Variants in RNGTT observed in about 807,000 individuals in gnomAD.
RNGTT encodes mRNA-capping enzyme.
Under a neutral mutation model 79.3 loss-of-function variants are expected in RNGTT, and 33 were observed. The observed-to-expected ratio is 0.42, with a 90% CI of 0.32 to 0.56. The LOEUF (loss-of-function observed/expected upper bound fraction) is 0.56. RNGTT is among the 20% of genes least tolerant of loss of function. RNGTT has a pLI of 0.17. For missense variants in RNGTT, 497 were observed against 739.1 expected (o/e 0.67, Z 3.80); for synonymous variants, 222 against 235.9 (o/e 0.94, Z 0.54).
At chr6:88,920,004 C>A (rs1207394517) in intron 4 of RNGTT, among the ~76,000 whole-genome samples, 1 of 152,150 alleles carries the variant, frequency 6.6e-6, no homozygotes, top group African/African-American at 2.4e-5. Flanking sequence ...TAGTTCTCAA[C>A]TGGGGAAGAT....
Position 88,950,082 on chromosome 6 carries a change from C to A in RNGTT, c.65-8902G>T, listed in dbSNP as rs938651698. Among the ~76,000 whole-genome samples, 3 of 152,216 alleles carry A rather than the reference C, an allele frequency of 2.0e-5. No individual in the cohort carries two copies. The East Asian group carries it at 5.8e-4, about 29-fold the overall frequency. ...AGGGCCCTTAAGAATTATGCTAAAT[C>A]TACTCTGTCTGTGCTCTATCAACGA... On this transcript the variant is annotated intron_variant, in intron 1 of 15. Coordinates refer to ENST00000369485, the MANE Select transcript of RNGTT (RefSeq NM_003800.5).
At chr6:88,938,201 C>G (rs1582153564) in intron 2 of RNGTT, among the ~76,000 whole-genome samples, 1 of 152,132 alleles carries the variant, frequency 6.6e-6, no homozygotes, top group Non-Finnish European at 1.5e-5. Context: ...CTTTATATAT[C>G]TGGGTACTCT....
intron 11 of RNGTT, among the ~76,000 whole-genome samples, chr6:88,807,185 T>C (rs1335106938): frequency 2.0e-5 from 3 of 152,144 alleles, no homozygotes; most frequent in African/African-American, 4.8e-5. Flanking sequence ...GAAACCACCA[T>C]AGCATGTGTT....
intron 14 of RNGTT, among the ~76,000 whole-genome samples, chr6:88,629,259 C>T (rs891866304): frequency 2.0e-5 from 3 of 152,186 alleles, no homozygotes; most frequent in African/African-American, 7.2e-5. Flanking sequence ...GCATTATTTA[C>T]ATTTTTAGCA....
intron 14 of RNGTT, among the ~76,000 whole-genome samples, chr6:88,654,180 T>C (rs1773895387): frequency 6.6e-6 from 1 of 152,162 alleles, no homozygotes; most frequent in Non-Finnish European, 1.5e-5. Flanking sequence ...GAGAATTTAG[T>C]ATCCATAAGG....
intron 11 of RNGTT, among the ~76,000 whole-genome samples, chr6:88,814,134 G>T (rs1290347079): frequency 2.0e-5 from 3 of 152,056 alleles, no homozygotes; most frequent in Admixed American, 6.5e-5. Flanking sequence ...TTTAAAAGTT[G>T]ATTAGACTTG....
intron 4 of RNGTT, among the ~76,000 whole-genome samples, chr6:88,915,941 A>G (rs1445795315): frequency 6.6e-6 from 1 of 152,190 alleles, no homozygotes; most frequent in Admixed American, 6.5e-5. Context: ...ATAACACAGT[A>G]TTTTTTAAAC....
intron 12 of RNGTT, among the ~76,000 whole-genome samples, chr6:88,785,506 T>C (rs966255264): frequency 2.0e-5 from 3 of 152,060 alleles, no homozygotes; most frequent in African/African-American, 7.2e-5. Flanking sequence ...AAAAATAAAA[T>C]AAGGTATATT....
At chr6:88,653,995 G>A (rs913946350) in intron 14 of RNGTT, among the ~76,000 whole-genome samples, 1 of 152,188 alleles carries the variant, frequency 6.6e-6, no homozygotes, top group African/African-American at 2.4e-5. Flanking sequence ...CTGGGTAGGA[G>A]AACAACCATT....
At position 88,714,568 on chromosome 6, in the gene RNGTT, A is replaced by G. The variant is rs1371942014; in HGVS notation, c.1440-36149T>C. 15 of 116,076 alleles carry G rather than the reference A, an allele frequency of 1.3e-4. No homozygotes were observed. In the East Asian group the frequency reaches 2.7e-3, roughly 21 times the overall value. The allele number at this position is 116,076 out of a possible 1,614,324, so 7.2% of individuals were successfully genotyped here. ...CGCCATTCTCCTGCCTCAGCCTCCC[A>G]AGTAGCTGGGACTACAGGCGCCCGC... On this transcript the variant is annotated intron_variant, in intron 13 of 15. Coordinates refer to ENST00000369485, the MANE Select transcript of RNGTT (RefSeq NM_003800.5).
intron 12 of RNGTT, among the ~76,000 whole-genome samples, chr6:88,800,198 T>C (rs1779739500): frequency 6.6e-6 from 1 of 152,208 alleles, no homozygotes; most frequent in African/African-American, 2.4e-5. Context: ...ATGCCTTCTC[T>C]GAAATGCTTA....
At chr6:88,736,339 A>G (rs761673569) in intron 13 of RNGTT, among the ~76,000 whole-genome samples, 14 of 152,194 alleles carry the variant, frequency 9.2e-5, no homozygotes, top group Admixed American at 2.6e-4. Flanking sequence ...CATTACCTTA[A>G]TACCAAAATC....
At chr6:88,849,666 C>T (rs985060173) in intron 10 of RNGTT, 89 bp downstream of exon 10, 1 of 1,195,490 alleles carries the variant, frequency 8.4e-7, no homozygotes, top group Non-Finnish European at 1.1e-6. Flanking sequence ...TTCTTTCCTA[C>T]TATCTCTAAG....
chr6:88,923,266 G>GC (rs1784217703), intron 4 of RNGTT, among the ~76,000 whole-genome samples: 1 of 152,056 alleles, frequency 6.6e-6, no homozygotes, highest in Non-Finnish European at 1.5e-5. Flanking sequence ...TTTCCAGGTT[G>GC]TTTTTTTGTT....
chr6:88,701,596 CT>C (rs1775948305), intron 13 of RNGTT, among the ~76,000 whole-genome samples: 1 of 151,902 alleles, frequency 6.6e-6, no homozygotes, highest in African/African-American at 2.4e-5. Flanking sequence ...TATTACATTG[CT>C]TTTCTCTCTG....
chr6:88,919,848 G>A (rs1784113225), intron 4 of RNGTT, among the ~76,000 whole-genome samples: 3 of 149,350 alleles, frequency 2.0e-5, no homozygotes, highest in Admixed American at 6.8e-5. Context: ...GCGCCACCAC[G>A]CCTGGCTAAT....
rs1356583867 is a variant in RNGTT, at chr6:88,758,872, TTTTA to T, written c.1439+10898_1439+10901del. 4.6e-5 allele frequency among the ~76,000 whole-genome samples: 7 copies of T among 152,310 alleles called. No homozygotes were observed. In the South Asian group the frequency reaches 6.2e-4, roughly 14 times the overall value. ...TTCTTTTTTATTTATTTTTGCTGTA[TTTTA>T]TTTATTTATTTTTTTATTATACTTT... On this transcript the variant is annotated intron_variant, in intron 13 of 15. Coordinates refer to ENST00000369485, the MANE Select transcript of RNGTT (RefSeq NM_003800.5).
At chr6:88,954,001 T>G (rs1011184890) in intron 1 of RNGTT, among the ~76,000 whole-genome samples, 7 of 151,952 alleles carry the variant, frequency 4.6e-5, no homozygotes, top group African/African-American at 1.7e-4. Flanking sequence ...AAATAAAACC[T>G]CAAAATACAC....
At chr6:88,777,228 C>T (rs1308477181) in intron 12 of RNGTT, among the ~76,000 whole-genome samples, 1 of 152,170 alleles carries the variant, frequency 6.6e-6, no homozygotes, top group Admixed American at 6.5e-5. Flanking sequence ...TTCAGTACTA[C>T]ACCATTTTAA....
Sources: gnomAD v4.1 joint callset for allele counts (sites outside exome capture counted in the v4.1 genomes callset) on GRCh38, gnomAD v4.1.1 for gene constraint, MANE v1.5 for transcripts, NCBI Gene and HGNC (gene_info 2026-07-23, HGNC 2026-07-21) for gene names.